The following MEGF11 variants were observed in gnomAD, a reference collection of about 807,000 sequenced individuals.
MEGF11 encodes multiple epidermal growth factor-like domains protein 11.
MEGF11 carries 126 observed loss-of-function variants against 146.6 expected under a neutral mutation model. The ratio of observed to expected loss-of-function variants is 0.86; its 90% CI spans 0.74 to 1.00. The LOEUF is 1.00. MEGF11 is among the 50% of genes least tolerant of loss of function. The pLI is 0.00. For missense variants in MEGF11, 1,509 were observed against 1,521.2 expected, an observed-to-expected ratio of 0.99 and a Z score of 0.13; for synonymous variants, 532 against 583.4, an observed-to-expected ratio of 0.91 and a Z score of 1.27.
chr15:66,252,178 G>A (rs898035000), intron 1 of MEGF11, among the ~76,000 whole-genome samples: 2 of 152,040 alleles, frequency 1.3e-5, no homozygotes, highest in Admixed American at 6.5e-5. Flanking sequence ...CTGAGCCCCC[G>A]GCAGGCTCCG....
At chr15:66,103,177 A>G (rs1168050096) in intron 4 of MEGF11, among the ~76,000 whole-genome samples, 1 of 152,226 alleles carries the variant, frequency 6.6e-6, no homozygotes, top group Non-Finnish European at 1.5e-5. Context: ...TCAGACCGGC[A>G]GCTGCAGCCA....
intron 3 of MEGF11, among the ~76,000 whole-genome samples, chr15:66,122,643 T>A (rs559753832): frequency 6.6e-6 from 1 of 152,358 alleles, no homozygotes; most frequent in East Asian, 1.9e-4. Flanking sequence ...CTTCAAATAG[T>A]GTCGCTTCAC....
intron 3 of MEGF11, among the ~76,000 whole-genome samples, chr15:66,120,619 G>T (rs1390650475): frequency 6.6e-6 from 1 of 152,222 alleles, no homozygotes; most frequent in Non-Finnish European, 1.5e-5. Context: ...GAACTCTGGG[G>T]AAATCTGTGA....
At chr15:66,087,840 T>C (rs2086170227) in intron 5 of MEGF11, among the ~76,000 whole-genome samples, 1 of 151,888 alleles carries the variant, frequency 6.6e-6, no homozygotes, top group African/African-American at 2.4e-5. Context: ...CTAAATGAAA[T>C]TGAGACAACA....
rs2081265263 is a variant in MEGF11, at chr15:65,970,473, G to C, written c.899+80C>G. 2.1e-6 allele frequency: 3 copies of C among 1,460,610 alleles called. No individual in the cohort carries two copies. The Admixed American group carries it at 5.8e-5, about 28-fold the overall frequency. 90.5% of individuals were successfully genotyped at this position (1,460,610 alleles called of 1,614,324 possible). On this transcript the variant is annotated intron_variant, in intron 8 of 25. Coordinates refer to ENST00000395614, the MANE Select transcript of MEGF11 (RefSeq NM_001385028.1). ...GGAACTGGAAGGCTGGCAGAGAGAG[G>C]GCTATGAGCTGTTCTCTGCAAGTCT...
chr15:66,132,206 C>G (rs1467316850), intron 1 of MEGF11, among the ~76,000 whole-genome samples: 1 of 152,192 alleles, frequency 6.6e-6, no homozygotes, highest in African/African-American at 2.4e-5. Context: ...TTAGCACCAG[C>G]ACCTGTGGAG....
At chr15:65,976,960 G>A (rs1241971608) in intron 7 of MEGF11, among the ~76,000 whole-genome samples, 1 of 152,060 alleles carries the variant, frequency 6.6e-6, no homozygotes, top group African/African-American at 2.4e-5. Flanking sequence ...ACAAGGTCAG[G>A]AGATCGAGAC....
At chr15:66,113,650 T>C (rs964981411) in intron 4 of MEGF11, among the ~76,000 whole-genome samples, 3 of 152,028 alleles carry the variant, frequency 2.0e-5, no homozygotes, top group Admixed American at 1.3e-4. Context: ...TCCCAGCACT[T>C]TGGGAGGCCG....
chr15:66,078,348 C>T (rs1035015018), intron 5 of MEGF11, among the ~76,000 whole-genome samples: 35 of 152,338 alleles, frequency 2.3e-4, no homozygotes, highest in African/African-American at 4.8e-4. Flanking sequence ...GGCGGAAACA[C>T]GCCTGAGTGG....
chr15:66,190,055 C>T (rs769090156), intron 1 of MEGF11, among the ~76,000 whole-genome samples: 3 of 152,162 alleles, frequency 2.0e-5, no homozygotes, highest in Non-Finnish European at 4.4e-5. Flanking sequence ...CTGGAATCAT[C>T]AGGACGCTTT....
intron 1 of MEGF11, among the ~76,000 whole-genome samples, chr15:66,224,698 A>T (rs1404213619): frequency 1.4e-5 from 2 of 146,734 alleles, no homozygotes; most frequent in African/African-American, 2.5e-5. Flanking sequence ...AAGTATATAT[A>T]TTTTATATAT....
intron 9 of MEGF11, among the ~76,000 whole-genome samples, chr15:65,961,068 A>G (rs915671615): frequency 6.6e-6 from 1 of 152,162 alleles, no homozygotes; most frequent in Admixed American, 6.5e-5. Flanking sequence ...AAGAGGATGG[A>G]GAGTGACAGC....
intron 5 of MEGF11, among the ~76,000 whole-genome samples, chr15:66,093,206 C>T (rs970387568): frequency 2.4e-4 from 36 of 152,280 alleles, no homozygotes; most frequent in African/African-American, 7.5e-4. Context: ...AGATAATCAC[C>T]CAGGCTCAAA....
chr15:65,928,483 G>A lies in MEGF11; in HGVS notation c.1617C>T (p.Ser539=), dbSNP rs762806547. The part of the protein sequence containing the change: ...GLNCSEHCDC[S]HADGCDPVTG... ...TGACGGGGTCACATCCATCAGCATG[G>A]CTGCAGTCACAGTGTTCACTGCAGT... The change falls in exon 13 of 26, where the codon AGC becomes AGT. Residue 539 remains serine, a synonymous_variant. Transcript: ENST00000395614. 1.5e-5 allele frequency: 24 copies of A among 1,606,528 alleles called. No individual in the cohort carries two copies. Among genetic ancestry groups the A allele is most frequent in the African/African-American group, 2.7e-5 (2 of 74,840 alleles).
chr15:65,950,738 G>A (rs991937319), intron 10 of MEGF11, among the ~76,000 whole-genome samples: 13 of 152,226 alleles, frequency 8.5e-5, no homozygotes, highest in Non-Finnish European at 1.5e-4. Flanking sequence ...TGGCACCAGA[G>A]TCTCTGCAAA....
rs758539784 is a variant in MEGF11 at position 65,922,411 on chromosome 15, G to A, written c.1884C>T (p.Ser628=). The change falls in exon 15 of 26, where the codon AGC becomes AGT. Residue 628 remains serine, a synonymous_variant. Coordinates refer to ENST00000395614, the MANE Select transcript of MEGF11 (RefSeq NM_001385028.1). ...CAQPCPLCVH[S]SRPCHHISGI... is the part of the protein sequence containing the mutation. ...CGCTGATGTGGTGGCAGGGCCTGCT[G>A]CTGTGCACGCAGAGGGGGCATGGCT... 4 of 1,594,450 alleles carry A rather than the reference G, an allele frequency of 2.5e-6. No homozygotes were observed. The highest frequency in any genetic ancestry group is 1.1e-5 in the South Asian group (1 of 87,400).
chr15:65,955,786 A>G (rs2080589776), intron 10 of MEGF11, among the ~76,000 whole-genome samples: 1 of 40,822 alleles, frequency 2.4e-5, no homozygotes, highest in Admixed American at 3.1e-4. Flanking sequence ...ATATATATAT[A>G]TATATATACA....
intron 9 of MEGF11, among the ~76,000 whole-genome samples, chr15:65,961,903 T>C (rs975614957): frequency 6.6e-6 from 1 of 152,118 alleles, no homozygotes; most frequent in Admixed American, 6.5e-5. Flanking sequence ...GGGTGGAAGC[T>C]TCACGTTCAA....
At chr15:66,140,189 C>T (rs552727520) in intron 1 of MEGF11, among the ~76,000 whole-genome samples, 1 of 152,286 alleles carries the variant, frequency 6.6e-6, no homozygotes, top group Non-Finnish European at 1.5e-5. Flanking sequence ...GAACAATGAT[C>T]CTGAAGTCAC....
Sources: gnomAD v4.1 joint callset for allele counts (sites outside exome capture counted in the v4.1 genomes callset) on GRCh38, gnomAD v4.1.1 for gene constraint, MANE v1.5 for transcripts, NCBI Gene and HGNC (gene_info 2026-07-23, HGNC 2026-07-21) for gene names.